Variants in MITF observed in about 807,000 individuals in gnomAD.
MITF encodes melanocyte inducing transcription factor.
Under a neutral mutation model 60.5 loss-of-function variants are expected in MITF, and 17 were observed. The ratio of observed to expected loss-of-function variants is 0.28; its 90% CI spans 0.19 to 0.42. The LOEUF is 0.42. Among genes scored for constraint, MITF ranks in the 10% least tolerant of loss-of-function variants. The pLI, the probability that MITF is intolerant of heterozygous loss-of-function variation, is 1.00. For missense variants in MITF, 622 were observed against 683.5 expected (o/e 0.91, Z 1.00); for synonymous variants, 260 against 248.5 (o/e 1.05, Z -0.43).
chr3:69,768,226 A>T (rs180721471), intron 1 of MITF, among the ~76,000 whole-genome samples: 120 of 152,314 alleles, frequency 7.9e-4, no homozygotes, highest in African/African-American at 2.8e-3. Flanking sequence ...GTCTGACAAC[A>T]TGTTCTCTGC....
chr3:69,769,090 G>A (rs2106830619), intron 1 of MITF, among the ~76,000 whole-genome samples: 1 of 152,288 alleles, frequency 6.6e-6, no homozygotes, highest in Non-Finnish European at 1.5e-5. Context: ...GAAGTAGTGG[G>A]TAAGCATGTA....
chr3:69,802,214 G>A (rs1237270990), intron 1 of MITF, among the ~76,000 whole-genome samples: 2 of 152,030 alleles, frequency 1.3e-5, no homozygotes, highest in Non-Finnish European at 2.9e-5. Context: ...GGTGTTACTG[G>A]CATCTCCTGG....
intron 5 of MITF, among the ~76,000 whole-genome samples, chr3:69,944,928 G>A (rs2066057576): frequency 6.6e-6 from 1 of 151,964 alleles, no homozygotes; most frequent in Admixed American, 6.6e-5. Context: ...AATGTTCTTC[G>A]TGTTAGGCAT....
At chr3:69,798,574 T>A (rs1299364067) in intron 1 of MITF, among the ~76,000 whole-genome samples, 2 of 152,236 alleles carry the variant, frequency 1.3e-5, no homozygotes, top group Non-Finnish European at 2.9e-5. Context: ...CATCTCAGTA[T>A]TTTTGCTGCT....
Position 69,967,395 on chromosome 3 carries a change from T to G in MITF, c.*2147T>G. 1 of 232,676 alleles carries G rather than the reference T, an allele frequency of 4.3e-6. No individual in the cohort carries two copies. The highest frequency in any genetic ancestry group is 1.3e-3 in the Middle Eastern group (1 of 780). 14.4% of individuals were successfully genotyped at this position (232,676 alleles called of 1,614,324 possible). On this transcript the variant is annotated 3_prime_UTR_variant, in exon 10 of 10. Coordinates refer to ENST00000352241, the MANE Select transcript of MITF (RefSeq NM_001354604.2). Reference sequence around the variant, plus strand: ...GCATTGTCTATTTTTCTCTTCATATTTATATGGGGGGGAGGGCGCTGGATG... The same window carrying G: ...GCATTGTCTATTTTTCTCTTCATATGTATATGGGGGGGAGGGCGCTGGATG...
chr3:69,879,794 A>T (rs1046391847), intron 2 of MITF, among the ~76,000 whole-genome samples: 4 of 152,202 alleles, frequency 2.6e-5, no homozygotes, highest in African/African-American at 9.6e-5. Context: ...TATTGGTTGT[A>T]AAATCTGACT....
At chr3:69,862,793 G>A (rs912091223) in intron 1 of MITF, among the ~76,000 whole-genome samples, 5 of 152,188 alleles carry the variant, frequency 3.3e-5, no homozygotes, top group African/African-American at 4.8e-5. Flanking sequence ...GAATTCTGAT[G>A]ACTGTAGTTG....
chr3:69,850,607 T>A (rs1028579629), intron 1 of MITF, among the ~76,000 whole-genome samples: 1 of 152,202 alleles, frequency 6.6e-6, no homozygotes, highest in African/African-American at 2.4e-5. Flanking sequence ...GTTTGCATGC[T>A]GCTTTTGAGT....
chr3:69,888,822 C>A (rs2064686296), intron 2 of MITF, among the ~76,000 whole-genome samples: 1 of 151,846 alleles, frequency 6.6e-6, no homozygotes, highest in Non-Finnish European at 1.5e-5. Context: ...TTTCCTTTTG[C>A]CCCATTCAGC....
At chr3:69,943,718 T>G (rs2066025396) in intron 5 of MITF, among the ~76,000 whole-genome samples, 1 of 152,106 alleles carries the variant, frequency 6.6e-6, no homozygotes, top group African/African-American at 2.4e-5. Flanking sequence ...TGGGTCCCAG[T>G]TTGCTTCATG....
At chr3:69,796,538 C>T (rs1448781618) in intron 1 of MITF, among the ~76,000 whole-genome samples, 1 of 111,152 alleles carries the variant, frequency 9.0e-6, no homozygotes, top group African/African-American at 3.4e-5. Context: ...CTCGCTCTGT[C>T]GCCCAGGCCG....
intron 2 of MITF, among the ~76,000 whole-genome samples, chr3:69,934,954 C>A (rs1442246931): frequency 1.3e-5 from 2 of 152,128 alleles, no homozygotes; most frequent in African/African-American, 4.8e-5. Flanking sequence ...TTGCCAGCTA[C>A]CCTTGAAAAA....
Position 69,879,081 on chromosome 3 carries a change from C to T in MITF, c.105-53C>T, listed in dbSNP as rs775698755. On this transcript the variant is annotated intron_variant, in intron 1 of 9. Transcript: ENST00000352241. Reference sequence around the variant, plus strand: ...ATTTAGGATACCCCCAAAGTGCAAACGAAGGGTCTCATTAGGAAACTAAAT... The same window carrying T: ...ATTTAGGATACCCCCAAAGTGCAAATGAAGGGTCTCATTAGGAAACTAAAT... 6.7e-6 allele frequency: 10 copies of T among 1,502,690 alleles called. No individual in the cohort carries two copies. The South Asian group carries it at 7.9e-5, about 12-fold the overall frequency. 93.1% of individuals were successfully genotyped at this position (1,502,690 alleles called of 1,614,324 possible). A position where few individuals can be genotyped will look rare whatever the true frequency, so the allele number is the denominator to read the frequency against.
intron 2 of MITF, among the ~76,000 whole-genome samples, chr3:69,934,046 TAGAG>T (rs2065779400): frequency 6.6e-6 from 1 of 151,998 alleles, no homozygotes; most frequent in Non-Finnish European, 1.5e-5. Context: ...GAAGTAAACA[TAGAG>T]AGGCTATGTC....
At chr3:69,772,848 A>G (rs1187926053) in intron 1 of MITF, among the ~76,000 whole-genome samples, 3 of 152,108 alleles carry the variant, frequency 2.0e-5, no homozygotes, top group African/African-American at 7.2e-5. Context: ...AGGTTTTACT[A>G]TGTTTCAGGA....
intron 2 of MITF, among the ~76,000 whole-genome samples, chr3:69,889,936 C>A (rs991374420): frequency 6.6e-6 from 1 of 152,032 alleles, no homozygotes; most frequent in Non-Finnish European, 1.5e-5. Context: ...AGGCATTAGC[C>A]AAGTAGATGG....
At chr3:69,809,621 A>G (rs563325900) in intron 1 of MITF, among the ~76,000 whole-genome samples, 13 of 150,610 alleles carry the variant, frequency 8.6e-5, no homozygotes, top group African/African-American at 2.9e-4. Context: ...CAATGAACTA[A>G]GTACATTTTT....
chr3:69,773,801 T>A (rs771270576), intron 1 of MITF, among the ~76,000 whole-genome samples: 28 of 152,190 alleles, frequency 1.8e-4, no homozygotes, highest in Non-Finnish European at 3.8e-4. Flanking sequence ...GGCTAAATGG[T>A]AAGGGTAAAC....
intron 1 of MITF, among the ~76,000 whole-genome samples, chr3:69,787,143 T>C (rs1278254689): frequency 6.6e-6 from 1 of 152,214 alleles, no homozygotes; most frequent in Non-Finnish European, 1.5e-5. Flanking sequence ...CCGTTCTTAT[T>C]GGCCACACTT....
Sources: gnomAD v4.1 joint callset for allele counts (sites outside exome capture counted in the v4.1 genomes callset) on GRCh38, gnomAD v4.1.1 for gene constraint, MANE v1.5 for transcripts, NCBI Gene and HGNC (gene_info 2026-07-23, HGNC 2026-07-21) for gene names.